The following CFAP299 variants were observed in gnomAD, a reference collection of about 807,000 sequenced individuals.
CFAP299 encodes cilia and flagella associated protein 299, also known as cilia- and flagella-associated protein 299.
In CFAP299, 21 loss-of-function variants were observed where a neutral mutation model predicts 27.0. The observed-to-expected ratio is 0.78, with a 90% confidence interval of 0.55 to 1.12. The LOEUF is 1.12. Ranked by LOEUF, CFAP299 falls within the 50% of genes most tolerant of loss-of-function variation. The pLI, the probability that CFAP299 is intolerant of heterozygous loss-of-function variation, is 0.00. For synonymous variants in CFAP299, 104 were observed against 98.1 expected (o/e 1.06, Z -0.36); for missense variants, 310 against 276.6 (o/e 1.12, Z -0.86).
intron 4 of CFAP299, among the ~76,000 whole-genome samples, chr4:80,926,284 C>T: frequency 6.6e-6 from 1 of 151,970 alleles, no homozygotes; most frequent in Non-Finnish European, 1.5e-5. Context: ...GTGTGCTAAG[C>T]TACAGAGTGT....
chr4:80,834,941 G>C (rs1365518031), intron 3 of CFAP299, among the ~76,000 whole-genome samples: 1 of 152,076 alleles, frequency 6.6e-6, no homozygotes, highest in Non-Finnish European at 1.5e-5. Context: ...GAAAATATTT[G>C]TTCCTTTCAC....
At chr4:80,948,246 A>C (rs1044685532) in intron 5 of CFAP299, among the ~76,000 whole-genome samples, 2 of 152,210 alleles carry the variant, frequency 1.3e-5, no homozygotes, top group African/African-American at 2.4e-5. Flanking sequence ...GAATGGTAAC[A>C]GTGGAAACAG....
chr4:80,878,271 A>T (rs1444995689), intron 4 of CFAP299, among the ~76,000 whole-genome samples: 1 of 152,130 alleles, frequency 6.6e-6, no homozygotes, highest in Non-Finnish European at 1.5e-5. Context: ...CTTGTCTTTT[A>T]GATTGTTCCA....
intron 4 of CFAP299, among the ~76,000 whole-genome samples, chr4:80,922,161 G>A (rs1736077265): frequency 6.6e-6 from 1 of 152,004 alleles, no homozygotes; most frequent in African/African-American, 2.4e-5. Flanking sequence ...AGAAGTTGAA[G>A]TTATCCAAGG....
At position 80,743,508 on chromosome 4, in the gene CFAP299, T is replaced by C. The variant is rs541137864; in HGVS notation, c.334-126485T>C. ...GACTATAAATATAAAAATATTACATTGAATCTTAAATGCACAATATAGAAT... is the reference window on the plus strand; with the variant it reads ...GACTATAAATATAAAAATATTACATCGAATCTTAAATGCACAATATAGAAT... On this transcript the variant is annotated intron_variant, in intron 3 of 5. Coordinates refer to ENST00000358105, the MANE Select transcript of CFAP299 (RefSeq NM_152770.3). 1.9e-4 allele frequency among the ~76,000 whole-genome samples: 29 copies of C among 152,294 alleles called. No individual in the cohort carries two copies. In the South Asian group the frequency reaches 2.1e-3, roughly 11 times the overall value.
At chr4:80,595,926 G>A (rs989336640) in intron 3 of CFAP299, among the ~76,000 whole-genome samples, 5 of 152,208 alleles carry the variant, frequency 3.3e-5, no homozygotes, top group African/African-American at 9.7e-5. Flanking sequence ...ATTTGACAGT[G>A]CGTGCAATAC....
chr4:80,632,710 A>G (rs933042703), intron 3 of CFAP299, among the ~76,000 whole-genome samples: 3 of 146,814 alleles, frequency 2.0e-5, no homozygotes, highest in African/African-American at 8.0e-5. Flanking sequence ...GCCTATTTTC[A>G]AGCTTTTTTT....
At chr4:80,768,173 A>G (rs1726003126) in intron 3 of CFAP299, among the ~76,000 whole-genome samples, 1 of 152,222 alleles carries the variant, frequency 6.6e-6, no homozygotes, top group Non-Finnish European at 1.5e-5. Flanking sequence ...GTAACCAAAC[A>G]TCAGTAATAA....
chr4:80,640,974 G>T (rs1050592914), intron 3 of CFAP299, among the ~76,000 whole-genome samples: 5 of 152,104 alleles, frequency 3.3e-5, no homozygotes, highest in Admixed American at 2.0e-4. Context: ...TTGGGTAATT[G>T]TGTCACTATA....
intron 5 of CFAP299, among the ~76,000 whole-genome samples, chr4:80,956,838 T>G (rs896834240): frequency 6.6e-6 from 1 of 152,128 alleles, no homozygotes; most frequent in Non-Finnish European, 1.5e-5. Context: ...GTATTCTATG[T>G]GTAGAGGGTA....
chr4:80,386,932 G>C, intron 2 of CFAP299: 1 of 859,992 alleles, frequency 1.2e-6, no homozygotes, highest in Non-Finnish European at 2.0e-6. Flanking sequence ...TGAGCGCGCA[G>C]TTTGAGGTAA....
intron 3 of CFAP299, among the ~76,000 whole-genome samples, chr4:80,816,562 TA>T (rs143962141): frequency 0.018 from 2,730 of 152,194 alleles, 93 homozygotes; most frequent in African/African-American, 0.061. Flanking sequence ...TCAGTGAAAA[TA>T]AATGTATTGG....
intron 3 of CFAP299, among the ~76,000 whole-genome samples, chr4:80,734,879 T>C (rs1723765091): frequency 6.6e-6 from 1 of 152,026 alleles, no homozygotes; most frequent in Admixed American, 6.6e-5. Flanking sequence ...AGTATAATTT[T>C]AAGCCAGATA....
At chr4:80,358,955 A>G (rs950247299) in intron 1 of CFAP299, among the ~76,000 whole-genome samples, 1 of 152,076 alleles carries the variant, frequency 6.6e-6, no homozygotes, top group Non-Finnish European at 1.5e-5. Flanking sequence ...AGTGGCTGGT[A>G]ATGGTCTTTC....
At chr4:80,809,013 A>T (rs1729007162) in intron 3 of CFAP299, among the ~76,000 whole-genome samples, 1 of 152,142 alleles carries the variant, frequency 6.6e-6, no homozygotes, top group Non-Finnish European at 1.5e-5. Flanking sequence ...CAAAGCAAAA[A>T]CAGCTTTTGC....
chr4:80,859,137 T>C (rs1578190262), intron 3 of CFAP299, among the ~76,000 whole-genome samples: 2 of 152,240 alleles, frequency 1.3e-5, no homozygotes, highest in East Asian at 1.9e-4. Context: ...GCTCTTCTTG[T>C]TGAATTGATC....
Position 80,656,427 on chromosome 4 carries a change from C to T in CFAP299, c.333+73244C>T, listed in dbSNP as rs545065095. 3.3e-5 allele frequency among the ~76,000 whole-genome samples: 5 copies of T among 152,098 alleles called. No homozygotes were observed. The South Asian group carries it at 6.2e-4, about 19-fold the overall frequency. ...TGTGTGATGTTCCCCTCCTTGTGTC[C>T]GTGGGTTCTCATTGTTCAACTCCCA... is the stretch of plus-strand genomic sequence containing the variant. On this transcript the variant is annotated intron_variant, in intron 3 of 5. Transcript: ENST00000358105.
intron 3 of CFAP299, among the ~76,000 whole-genome samples, chr4:80,827,355 C>T (rs1730042200): frequency 6.6e-6 from 1 of 151,766 alleles, no homozygotes; most frequent in African/African-American, 2.4e-5. Context: ...AATGATTATA[C>T]ATCATGACCA....
chr4:80,770,305 A>G (rs1209898130), intron 3 of CFAP299, among the ~76,000 whole-genome samples: 1 of 152,172 alleles, frequency 6.6e-6, no homozygotes, highest in Non-Finnish European at 1.5e-5. Flanking sequence ...ATGAGAGGAT[A>G]TACGGAGCAA....
Sources: allele counts gnomAD v4.1 joint callset (sites outside exome capture counted in the v4.1 genomes callset), GRCh38; gene constraint gnomAD v4.1.1; transcripts MANE v1.5; gene names NCBI Gene and HGNC (gene_info 2026-07-23, HGNC 2026-07-21).